Variants in RBFOX1 observed in about 807,000 individuals in gnomAD.
RBFOX1 encodes the protein RNA binding fox-1 homolog 1, also known as RNA binding protein fox-1 homolog 1.
In RBFOX1, 8 loss-of-function variants were observed where a neutral mutation model predicts 57.7. That is an observed-to-expected ratio of 0.14 (90% confidence interval 0.08 to 0.25). The LOEUF is 0.25. Among genes scored for constraint, RBFOX1 ranks in the 10% least tolerant of loss-of-function variants. RBFOX1 has a pLI of 1.00. For missense variants in RBFOX1, 611 were observed against 548.5 expected (o/e 1.11, Z -1.14); for synonymous variants, 326 against 222.4 (o/e 1.47, Z -4.15).
chr16:5,949,806 A>T (rs1309247246), intron 4 of RBFOX1, among the ~76,000 whole-genome samples: 1 of 152,182 alleles, frequency 6.6e-6, no homozygotes, highest in Non-Finnish European at 1.5e-5. Flanking sequence ...AGCCTATTGA[A>T]TCAGAAACTC....
intron 3 of RBFOX1, among the ~76,000 whole-genome samples, chr16:6,901,350 C>T (rs565529044): frequency 6.6e-6 from 1 of 152,278 alleles, no homozygotes; most frequent in Non-Finnish European, 1.5e-5. Context: ...CTGGAAATGT[C>T]CCACCTAGCA....
chr16:5,978,280 C>G (rs1368605409), intron 4 of RBFOX1, among the ~76,000 whole-genome samples: 1 of 151,804 alleles, frequency 6.6e-6, no homozygotes, highest in African/African-American at 2.4e-5. Flanking sequence ...CACCACTGCA[C>G]TCCAGCCTGG....
In RBFOX1 at chr16:7,361,310, G is replaced by A. The variant is rs538626157; in HGVS notation, c.28-156837G>A. On this transcript the variant is annotated intron_variant, in intron 4 of 15. Coordinates refer to ENST00000550418, the MANE Select transcript of RBFOX1 (RefSeq NM_018723.4). ...CCTGTAATAGCAGTGCAGCTTCTAG[G>A]TGGCACTTAGAGGATGCCTAAATTG... Among the ~76,000 whole-genome samples, 14 of 152,340 alleles carry A rather than the reference G, an allele frequency of 9.2e-5. 1 individual carries two copies. The Middle Eastern group carries it at 0.024, about 261-fold the overall frequency.
chr16:7,496,690 A>AAT (rs2068752669), intron 4 of RBFOX1, among the ~76,000 whole-genome samples: 1 of 52,420 alleles, frequency 1.9e-5, no homozygotes, highest in Non-Finnish European at 4.1e-5. Context: ...CTTAACAAAG[A>AAT]CTTTTTTTTT....
chr16:7,515,030 T>G (rs1010606540), intron 4 of RBFOX1, among the ~76,000 whole-genome samples: 1 of 152,144 alleles, frequency 6.6e-6, no homozygotes, highest in African/African-American at 2.4e-5. Context: ...ACCTTTCACT[T>G]CAGAGATGGG....
At chr16:6,042,125 G>C (rs969132848) in intron 1 of RBFOX1, among the ~76,000 whole-genome samples, 107 of 144,476 alleles carry the variant, frequency 7.4e-4, no homozygotes, top group African/African-American at 2.6e-3. Flanking sequence ...TTTTGAGACA[G>C]AGTCTCCCAC....
intron 4 of RBFOX1, among the ~76,000 whole-genome samples, chr16:7,314,202 A>T (rs1410899213): frequency 6.6e-6 from 1 of 152,188 alleles, no homozygotes; most frequent in Non-Finnish European, 1.5e-5. Flanking sequence ...TCCAATCCCC[A>T]AATCTCTGTT....
Position 6,653,956 on chromosome 16 carries a change from G to C in RBFOX1, c.-63-647G>C, listed in dbSNP as rs540883682. On this transcript the variant is annotated intron_variant, in intron 2 of 15. Coordinates refer to ENST00000550418, the MANE Select transcript of RBFOX1 (RefSeq NM_018723.4). ...ATTGATGGATAGAGGGTGGATGAAG[G>C]ATGGATGGTTGGACGGATGGATGGA... Among the ~76,000 whole-genome samples, 488 of 132,374 alleles carry C rather than the reference G, an allele frequency of 3.7e-3. 6 individuals are homozygous for C. Among genetic ancestry groups the C allele is most frequent in the African/African-American group, 0.013 (465 of 36,414 alleles). The allele number at this position is 132,374 out of a possible 152,430, so 86.8% of individuals were successfully genotyped here.
intron 4 of RBFOX1, among the ~76,000 whole-genome samples, chr16:7,258,884 A>C (rs2094805345): frequency 6.6e-6 from 1 of 152,224 alleles, no homozygotes; most frequent in Non-Finnish European, 1.5e-5. Flanking sequence ...AAAGGAGAAC[A>C]TTAAAAGTTT....
At position 6,069,519 on chromosome 16, in the gene RBFOX1, A is replaced by G. The variant is rs183406474; in HGVS notation, c.-127+49527A>G. Reference sequence around the variant, plus strand: ...TCATGCCAACAGATTGTGTCTCTTAAAAGAGATAAACAAGATTAATTTTGG... The same window carrying G: ...TCATGCCAACAGATTGTGTCTCTTAGAAGAGATAAACAAGATTAATTTTGG... On this transcript the variant is annotated intron_variant, in intron 1 of 15. Coordinates refer to ENST00000550418, the MANE Select transcript of RBFOX1 (RefSeq NM_018723.4). Among the ~76,000 whole-genome samples, 37 of 152,226 alleles carry G rather than the reference A, an allele frequency of 2.4e-4. No individual in the cohort carries two copies. In the East Asian group the frequency reaches 5.8e-3, roughly 24 times the overall value.
intron 3 of RBFOX1, among the ~76,000 whole-genome samples, chr16:6,982,278 C>G (rs746362211): frequency 6.6e-6 from 1 of 152,150 alleles, no homozygotes; most frequent in Non-Finnish European, 1.5e-5. Context: ...TTCCAGGTAA[C>G]AAAGATTGAC....
At chr16:7,692,958 T>G (rs1170807750) in intron 14 of RBFOX1, among the ~76,000 whole-genome samples, 1 of 152,178 alleles carries the variant, frequency 6.6e-6, no homozygotes, top group Non-Finnish European at 1.5e-5. Context: ...CCCTATTTCT[T>G]AATCATTAGT....
At chr16:6,626,862 C>G (rs1202001878) in intron 2 of RBFOX1, among the ~76,000 whole-genome samples, 2 of 152,128 alleles carry the variant, frequency 1.3e-5, no homozygotes, top group African/African-American at 4.8e-5. Context: ...GTTTAACAAG[C>G]ACTTTAGTCA....
At chr16:5,506,012 T>A (rs2043365523) in intron 2 of RBFOX1, among the ~76,000 whole-genome samples, 1 of 152,166 alleles carries the variant, frequency 6.6e-6, no homozygotes, top group African/African-American at 2.4e-5. Flanking sequence ...GGAGGGAAGA[T>A]GATGCCTGGA....
intron 4 of RBFOX1, among the ~76,000 whole-genome samples, chr16:5,941,308 A>C (rs141949410): frequency 6.6e-6 from 1 of 152,010 alleles, no homozygotes; most frequent in African/African-American, 2.4e-5. Context: ...TGGGCAACGT[A>C]GTGAGATCTT....
intron 3 of RBFOX1, among the ~76,000 whole-genome samples, chr16:7,007,980 G>T (rs2093399439): frequency 6.6e-6 from 1 of 152,110 alleles, no homozygotes; most frequent in Non-Finnish European, 1.5e-5. Context: ...TTTCAGAAAT[G>T]GTAGCAAAAT....
At chr16:5,330,873 C>G (rs1357429760) in intron 1 of RBFOX1, among the ~76,000 whole-genome samples, 1 of 152,154 alleles carries the variant, frequency 6.6e-6, no homozygotes, top group East Asian at 1.9e-4. Flanking sequence ...TGCCTGTGTA[C>G]TCAAGCCTGG....
intron 2 of RBFOX1, among the ~76,000 whole-genome samples, chr16:6,351,615 C>G (rs1158083568): frequency 6.6e-6 from 1 of 151,874 alleles, no homozygotes; most frequent in Non-Finnish European, 1.5e-5. Context: ...CTCAGGTGAT[C>G]CGCCCGTCTT....
intron 1 of RBFOX1, among the ~76,000 whole-genome samples, chr16:5,274,430 G>T (rs550523821): frequency 3.9e-5 from 6 of 152,314 alleles, no homozygotes; most frequent in African/African-American, 1.4e-4. Flanking sequence ...TCTGGAGGCT[G>T]AAGCATGAGA....
Sources: gnomAD v4.1 joint callset for allele counts (sites outside exome capture counted in the v4.1 genomes callset) on GRCh38, gnomAD v4.1.1 for gene constraint, MANE v1.5 for transcripts, NCBI Gene and HGNC (gene_info 2026-07-23, HGNC 2026-07-21) for gene names.